Variants in SHQ1 observed in about 807,000 individuals in gnomAD.
SHQ1 encodes protein SHQ1 homolog.
In SHQ1, 49 loss-of-function variants were observed where a neutral mutation model predicts 53.8. The observed-to-expected ratio is 0.91, with a 90% CI of 0.72 to 1.16. The LOEUF (loss-of-function observed/expected upper bound fraction) is 1.16, where lower values mean the gene tolerates loss of function less well. Ranked by LOEUF, SHQ1 falls within the 50% of genes most tolerant of loss-of-function variation. SHQ1 has a pLI of 0.00. For synonymous variants in SHQ1, 243 were observed against 251.0 expected (o/e 0.97, Z 0.30); for missense variants, 738 against 683.1 (o/e 1.08, Z -0.90).
rs1707588984 is a variant in SHQ1, at chr3:72,824,565, T to C, written c.600-14A>G. On this transcript the variant is annotated splice_polypyrimidine_tract_variant and intron_variant, in intron 5 of 10. Coordinates refer to ENST00000325599, the MANE Select transcript of SHQ1 (RefSeq NM_018130.3). ...AAAAAGTCAGCTCTAGGAAAAAACA[T>C]TGAAAGAACTTACTATACAGGATTT... 6.2e-6 allele frequency: 10 copies of C among 1,604,428 alleles called. No individual in the cohort carries two copies. Among genetic ancestry groups the C allele is most frequent in the South Asian group, 2.3e-5 (2 of 88,142 alleles).
At chr3:72,727,865 A>C in the SHQ1 span, among the ~76,000 whole-genome samples, 1 of 152,108 alleles carries the variant, frequency 6.6e-6, no homozygotes, top group Non-Finnish European at 1.5e-5. Flanking sequence ...ACGGCTCATC[A>C]GCACACACAT....
chr3:72,781,510 C>G (rs578144401), intron 10 of SHQ1, among the ~76,000 whole-genome samples: 3 of 152,156 alleles, frequency 2.0e-5, no homozygotes, highest in African/African-American at 7.2e-5. Context: ...TAATTTGACA[C>G]TACAAATGCA....
intron 10 of SHQ1, among the ~76,000 whole-genome samples, chr3:72,771,742 A>C (rs778512001): frequency 9.9e-5 from 15 of 152,268 alleles, no homozygotes; most frequent in Non-Finnish European, 2.1e-4. Context: ...TTAAGGCAGA[A>C]GAGGTTGATC....
intron 1 of SHQ1, chr3:72,846,294 TGTTCTTTTTTTTTTTTTTTTTA>T: frequency 6.5e-7 from 1 of 1,528,200 alleles, no homozygotes; most frequent in Non-Finnish European, 8.7e-7. Flanking sequence ...GCAAACTGTA[TGTTCTTTTTTTTTTTTTTTTTA>T]GACAGTCTCG....
intron 10 of SHQ1, among the ~76,000 whole-genome samples, chr3:72,788,747 GC>G (rs1238096885): frequency 1.3e-5 from 2 of 152,210 alleles, no homozygotes; most frequent in Non-Finnish European, 2.9e-5. Flanking sequence ...AAATTCTTCT[GC>G]CTTGGGATGC....
the SHQ1 span, among the ~76,000 whole-genome samples, chr3:72,743,888 G>T: frequency 6.6e-6 from 1 of 152,212 alleles, no homozygotes; most frequent in South Asian, 2.1e-4. Context: ...TTTATTTCTA[G>T]TCCAGAGCAA....
At chr3:72,781,911 C>T (rs1706085647) in intron 10 of SHQ1, among the ~76,000 whole-genome samples, 1 of 152,078 alleles carries the variant, frequency 6.6e-6, no homozygotes, top group Admixed American at 6.5e-5. Context: ...TACAGTTTTC[C>T]TATACCCCAA....
intron 10 of SHQ1, chr3:72,772,855 T>G: frequency 1.3e-6 from 1 of 775,732 alleles, no homozygotes; most frequent in South Asian, 1.4e-5. Context: ...AGTTGCCCCA[T>G]CAAAATGGGA....
intron 10 of SHQ1, among the ~76,000 whole-genome samples, chr3:72,772,006 G>A (rs1705862536): frequency 6.6e-6 from 1 of 152,046 alleles, no homozygotes; most frequent in Admixed American, 6.6e-5. Flanking sequence ...ACAGTGCAGG[G>A]GGAATTAATC....
chr3:72,767,015 T>A (rs1056206948), intron 10 of SHQ1, among the ~76,000 whole-genome samples: 1 of 152,138 alleles, frequency 6.6e-6, no homozygotes, highest in Non-Finnish European at 1.5e-5. Context: ...GAATACCAAA[T>A]CAGACCACAC....
Position 72,812,783 on chromosome 3 carries a change from G to C in SHQ1, c.948C>G (p.Asn316Lys), listed in dbSNP as rs377656675. ...PTLCWFETWTNVHDIMVSFGR... is the reference protein window; with the variant it reads ...PTLCWFETWTKVHDIMVSFGR... ...CAAAAGACACCATGATATCATGAAC[G>C]TTAGTCCAAGTCTGTGAAGTGTCAT... Residue 316 changes from asparagine to lysine, a missense_variant, in exon 9 of 11, where the codon AAC becomes AAG. By Grantham distance (94) the Asn-to-Lys change is moderately conservative. Coordinates refer to ENST00000325599, the MANE Select transcript of SHQ1 (RefSeq NM_018130.3). 1 of 1,613,808 alleles carries C rather than the reference G, an allele frequency of 6.2e-7. No homozygotes were observed. Among genetic ancestry groups the C allele is most frequent in the Non-Finnish European group, 8.5e-7 (1 of 1,179,948 alleles).
chr3:72,831,892 T>C (rs1707833985), intron 5 of SHQ1, among the ~76,000 whole-genome samples: 1 of 152,212 alleles, frequency 6.6e-6, no homozygotes, highest in African/African-American at 2.4e-5. Context: ...CGAAGAATAA[T>C]TATTTGTTCA....
chr3:72,761,687 A>G (rs957939057), intron 10 of SHQ1, among the ~76,000 whole-genome samples: 1 of 152,194 alleles, frequency 6.6e-6, no homozygotes, highest in African/African-American at 2.4e-5. Context: ...ACTTACAGCA[A>G]CCCTGTGAGA....
At chr3:72,747,260 T>C (rs979401997), downstream of SHQ1, among the ~76,000 whole-genome samples, 1 of 152,204 alleles carries the variant, frequency 6.6e-6, no homozygotes. Flanking sequence ...AACAAGACCC[T>C]ACCTCCCCAG....
At position 72,848,308 on chromosome 3, in the gene SHQ1, A is replaced by T. The variant is rs146220182; in HGVS notation, c.33T>A (p.Asp11Glu). 8 of 1,614,080 alleles carry T rather than the reference A, an allele frequency of 5.0e-6. No homozygotes were observed. Among genetic ancestry groups the T allele is most frequent in the South Asian group, 3.3e-5 (3 of 91,084 alleles). The change falls in exon 1 of 11, where the codon GAT (aspartate) becomes GAA (glutamate). Residue 11 changes from aspartate (D) to glutamate (E), a missense_variant. Asp to Glu is a conservative substitution (Grantham distance 45). Transcript: ENST00000325599. MLTPAFDLSQ[D>E]PDFLTIAIRV... is the part of the protein sequence containing the mutation. ...GGATGGCGATAGTCAGGAAGTCCGG[A>T]TCCTGGCTGAGGTCGAACGCCGGGG...
chr3:72,793,035 A>G lies in SHQ1; in HGVS notation c.1062T>C (p.Gly354=). Residue 354 remains glycine (G), a splice_region_variant and synonymous_variant, in exon 10 of 11, where the codon GGT becomes GGC. Transcript: ENST00000325599. ...GGAGACACTTTAAAACTGCACTTTT[A>G]CCTAAAGAAAATTGAAAAAACATAA... The part of the protein sequence containing the change: ...YRDTIKILQL[G]KSAVLKCLLD... 1 of 1,597,028 alleles carries G rather than the reference A, an allele frequency of 6.3e-7. No homozygotes were observed. Among genetic ancestry groups the G allele is most frequent in the Non-Finnish European group, 8.5e-7 (1 of 1,173,348 alleles).
chr3:72,758,594 G>T (rs1335581077), intron 10 of SHQ1, among the ~76,000 whole-genome samples: 2 of 134,050 alleles, frequency 1.5e-5, no homozygotes, highest in Non-Finnish European at 3.2e-5. Flanking sequence ...TTCCGAGATG[G>T]AGTCTCATTC....
intron 10 of SHQ1, among the ~76,000 whole-genome samples, chr3:72,755,274 AGATGGATG>A (rs879644608): frequency 5.3e-5 from 8 of 150,356 alleles, no homozygotes; most frequent in East Asian, 3.9e-4. Context: ...ATAGATGGAT[AGATGGATG>A]GATGGATGGA....
At chr3:72,729,405 C>G in the SHQ1 span, among the ~76,000 whole-genome samples, 1 of 152,180 alleles carries the variant, frequency 6.6e-6, no homozygotes, top group African/African-American at 2.4e-5. Context: ...GTGCTGCCTC[C>G]AGCCTCCTGA....
Sources: allele counts gnomAD v4.1 joint callset (sites outside exome capture counted in the v4.1 genomes callset), GRCh38; gene constraint gnomAD v4.1.1; transcripts MANE v1.5; gene names NCBI Gene and HGNC (gene_info 2026-07-23, HGNC 2026-07-21).